DESI1: variants seen among roughly 807,000 people sequenced by gnomAD.
DESI1 encodes the protein PPPDE peptidase domain containing 2.
Under a neutral mutation model 22.4 loss-of-function variants are expected in DESI1, and 17 were observed. That is an observed-to-expected ratio of 0.76 (90% CI 0.52 to 1.14). The LOEUF (loss-of-function observed/expected upper bound fraction) is 1.14. Among genes scored for constraint, DESI1 ranks in the 50% most tolerant of loss-of-function variants. The pLI is 0.00. For missense variants in DESI1, 177 were observed against 208.9 expected (o/e 0.85, Z 0.94); for synonymous variants, 92 against 84.2 (o/e 1.09, Z -0.51).
rs10523372 is a variant in DESI1 at position 41,614,590 on chromosome 22, C to CTTTTTTTT, written c.88+6154_88+6161dup. ...TGAGCTACTGTGCCCGGCCTACATC[C>CTTTTTTTT]TTTTTTTTTTTTGAGATGGAGTCTC... On this transcript the variant is annotated intron_variant, in intron 1 of 5. Coordinates refer to ENST00000263256, the MANE Select transcript of DESI1 (RefSeq NM_015704.3). Among the ~76,000 whole-genome samples, 8 of 85,724 alleles carry CTTTTTTTT rather than the reference C, an allele frequency of 9.3e-5. 1 individual carries two copies. The highest frequency in any genetic ancestry group is 3.2e-4 in the African/African-American group (6 of 18,542). 56.2% of individuals were successfully genotyped at this position (85,724 alleles called of 152,430 possible).
intron 4 of DESI1, among the ~76,000 whole-genome samples, chr22:41,603,680 C>T (rs577048060): frequency 6.6e-6 from 1 of 152,370 alleles, no homozygotes; most frequent in South Asian, 2.1e-4. Context: ...ACTAAAGCCT[C>T]TTTCAGAGAA....
intron 1 of DESI1, among the ~76,000 whole-genome samples, chr22:41,614,589 C>CTTTTTTTTTT (rs2067538386): frequency 4.8e-5 from 1 of 20,912 alleles, no homozygotes; most frequent in African/African-American, 6.1e-4. Context: ...CGGCCTACAT[C>CTTTTTTTTTT]CTTTTTTTTT....
chr22:41,602,638 G>A, intron 5 of DESI1: 2 of 986,842 alleles, frequency 2.0e-6, no homozygotes, highest in Non-Finnish European at 2.4e-6. Flanking sequence ...ACAAGAGGGA[G>A]GAGGTGAGAT....
intron 1 of DESI1, among the ~76,000 whole-genome samples, chr22:41,616,027 G>A (rs2067548702): frequency 6.6e-6 from 1 of 152,212 alleles, no homozygotes; most frequent in East Asian, 1.9e-4. Context: ...TGGATCGCCT[G>A]AGATCAGGAG....
At chr22:41,612,751 G>A (rs2067525828) in intron 1 of DESI1, among the ~76,000 whole-genome samples, 1 of 149,982 alleles carries the variant, frequency 6.7e-6, no homozygotes, top group African/African-American at 2.5e-5. Context: ...TACCACCCAG[G>A]CCTACTTTTT....
At chr22:41,602,581 T>A (rs1470968636) in intron 5 of DESI1, 2 of 985,394 alleles carry the variant, frequency 2.0e-6, no homozygotes, top group African/African-American at 1.7e-5. Context: ...AATAAGCAAA[T>A]AGACATGGTC....
intron 1 of DESI1, among the ~76,000 whole-genome samples, chr22:41,611,927 T>C (rs755693130): frequency 6.6e-6 from 1 of 152,122 alleles, no homozygotes; most frequent in Non-Finnish European, 1.5e-5. Flanking sequence ...TCATTTACTT[T>C]GTGAGGAATG....
chr22:41,614,094 C>T (rs966851776), intron 1 of DESI1, among the ~76,000 whole-genome samples: 7 of 151,456 alleles, frequency 4.6e-5, no homozygotes, highest in Admixed American at 6.6e-5. Context: ...TGGGGTGCAG[C>T]GGTGCAATCA....
At chr22:41,602,863 G>C (rs1172399511) in intron 5 of DESI1, 19 of 997,998 alleles carry the variant, frequency 1.9e-5, no homozygotes, top group Non-Finnish European at 2.4e-5. Flanking sequence ...CAAATCAACA[G>C]CTACAAAACA....
At chr22:41,605,900 AG>A (rs1388686574) in intron 3 of DESI1, among the ~76,000 whole-genome samples, 5 of 152,166 alleles carry the variant, frequency 3.3e-5, no homozygotes, top group Admixed American at 1.3e-4. Context: ...TCAAATCTGA[AG>A]GATGGAGAGG....
At chr22:41,620,710 C>A (rs2067584702) in intron 1 of DESI1, 42 bp downstream of exon 1, 1 of 1,570,810 alleles carries the variant, frequency 6.4e-7, no homozygotes, top group Non-Finnish European at 8.6e-7. Flanking sequence ...ACCCTCTGGC[C>A]TGGCTCCCGC....
intron 5 of DESI1, chr22:41,602,083 G>T: frequency 2.0e-6 from 1 of 509,422 alleles, no homozygotes; most frequent in South Asian, 8.5e-5. Context: ...AAATACTGGA[G>T]TTTGGAGATT....
intron 1 of DESI1, among the ~76,000 whole-genome samples, chr22:41,616,564 ACAC>A (rs1555901630): frequency 7.6e-6 from 1 of 131,408 alleles, no homozygotes; most frequent in Non-Finnish European, 1.7e-5. Context: ...ACACACACAC[ACAC>A]TTCTGCATGT....
Position 41,601,082 on chromosome 22 carries a change from T to C in DESI1, c.*15A>G. On this transcript the variant is annotated 3_prime_UTR_variant, in exon 6 of 6. Coordinates refer to ENST00000263256, the MANE Select transcript of DESI1 (RefSeq NM_015704.3). ...GAAAAGCCCTGGTGAGGCAGGGCGG[T>C]CCCAGGCAGTCCTGTTAGCTCTGGC... 6.2e-7 allele frequency: 1 copy of C among 1,609,832 alleles called. No homozygotes were observed. The highest frequency in any genetic ancestry group is 8.5e-7 in the Non-Finnish European group (1 of 1,177,234).
intron 1 of DESI1, 86 bp downstream of exon 1, chr22:41,620,666 C>T (rs1168334178): frequency 3.8e-6 from 5 of 1,326,838 alleles, no homozygotes; most frequent in Non-Finnish European, 5.2e-6. Flanking sequence ...CCCCGTGAGT[C>T]GTGGCCCAAG....
In DESI1 at chr22:41,603,387, C is replaced by T. The variant is rs375306607; in HGVS notation, c.291-6G>A. On this transcript the variant is annotated splice_region_variant and splice_polypyrimidine_tract_variant and intron_variant, in intron 4 of 5. Transcript: ENST00000263256. ...AGAGGTTGTAGGCCTCACCTCTGTA[C>T]ATTGAAAGGTTTGCAGAACATATAT... 298 of 1,614,052 alleles carry T rather than the reference C, an allele frequency of 1.8e-4. No individual in the cohort carries two copies. Among genetic ancestry groups the T allele is most frequent in the Non-Finnish European group, 2.4e-4 (286 of 1,180,032 alleles).
chr22:41,602,867 C>CA (rs1249379107), intron 5 of DESI1: 2 of 963,822 alleles, frequency 2.1e-6, no homozygotes, highest in Non-Finnish European at 2.6e-6. Flanking sequence ...TCAACAGCTA[C>CA]AAAACAAGCC....
intron 1 of DESI1, among the ~76,000 whole-genome samples, chr22:41,612,247 G>A (rs1008079604): frequency 3.3e-5 from 5 of 152,108 alleles, no homozygotes; most frequent in Non-Finnish European, 7.4e-5. Flanking sequence ...AGTGGCTCAC[G>A]CCTGTAATCC....
intron 5 of DESI1, 125 bp downstream of exon 5, chr22:41,603,134 A>C (rs943014416): frequency 2.1e-6 from 3 of 1,410,406 alleles, no homozygotes; most frequent in African/African-American, 2.8e-5. Flanking sequence ...TCTGTGTTAG[A>C]ATCTGCCATC....
Sources: gnomAD v4.1 joint callset for allele counts (sites outside exome capture counted in the v4.1 genomes callset) on GRCh38, gnomAD v4.1.1 for gene constraint, MANE v1.5 for transcripts, NCBI Gene and HGNC (gene_info 2026-07-23, HGNC 2026-07-21) for gene names.